MOB1B: variants seen among roughly 807,000 people sequenced by gnomAD.
MOB1B encodes the protein MOB kinase activator 1B.
Under a neutral mutation model 24.4 loss-of-function variants are expected in MOB1B, and 19 were observed. The observed-to-expected ratio is 0.78, with a 90% CI of 0.54 to 1.14. The LOEUF (loss-of-function observed/expected upper bound fraction) is 1.14, where lower values mean the gene tolerates loss of function less well. Among genes scored for constraint, MOB1B ranks in the 50% most tolerant of loss-of-function variants. The probability of loss-of-function intolerance (pLI) is 0.00; values close to 1 mark genes in which losing one functional copy is unlikely to be tolerated. For missense variants in MOB1B, 243 were observed against 259.6 expected (o/e 0.94, Z 0.44); for synonymous variants, 76 against 82.1 (o/e 0.93, Z 0.40).
intron 1 of MOB1B, among the ~76,000 whole-genome samples, chr4:70,940,676 A>AT (rs796738977): frequency 0.067 from 9,428 of 141,624 alleles, 632 homozygotes; most frequent in African/African-American, 0.16. Context: ...TAGGGCATTA[A>AT]TTTTTTTTTT....
intron 1 of MOB1B, among the ~76,000 whole-genome samples, chr4:70,913,077 TA>T (rs1736059478): frequency 6.6e-6 from 1 of 152,036 alleles, no homozygotes; most frequent in African/African-American, 2.4e-5. Flanking sequence ...CAAACTGAAA[TA>T]GTTTGTCAGT....
At position 70,965,976 on chromosome 4, in the gene MOB1B, A is replaced by G. The variant is rs28583073; in HGVS notation, c.182-3955A>G. On this transcript the variant is annotated intron_variant, in intron 2 of 5. Transcript: ENST00000309395. ...AATCTTATAACTTAAAAAAAACTGT[A>G]ATCTATTTAAAAACCTTGCCACAGT... is the stretch of plus-strand genomic sequence containing the variant. Among the ~76,000 whole-genome samples the G allele has an allele frequency of 3.4e-4, 52 of 152,122 alleles. 1 individual carries two copies. Among genetic ancestry groups the G allele is most frequent in the African/African-American group, 1.1e-3 (46 of 41,530 alleles).
chr4:70,915,271 A>T (rs116280909), intron 1 of MOB1B, among the ~76,000 whole-genome samples: 3,286 of 152,310 alleles, frequency 0.022, 54 homozygotes, highest in Non-Finnish European at 0.033. Context: ...TCATCGGTGG[A>T]GGGTGTCCAG....
chr4:70,953,363 A>G (rs928263193), intron 1 of MOB1B, among the ~76,000 whole-genome samples: 4 of 152,190 alleles, frequency 2.6e-5, no homozygotes, highest in African/African-American at 9.7e-5. Flanking sequence ...CAAAGATTTT[A>G]AAAAGAGTAT....
intron 1 of MOB1B, among the ~76,000 whole-genome samples, chr4:70,934,349 G>A (rs1737001295): frequency 6.6e-6 from 1 of 151,830 alleles, no homozygotes; most frequent in Non-Finnish European, 1.5e-5. Flanking sequence ...GCCTCCCAAA[G>A]TGCTGGAATT....
chr4:70,930,233 C>T (rs905277347), intron 1 of MOB1B, among the ~76,000 whole-genome samples: 2 of 151,934 alleles, frequency 1.3e-5, no homozygotes. Context: ...TATTTTACTA[C>T]AGGCAATAAA....
intron 1 of MOB1B, among the ~76,000 whole-genome samples, chr4:70,935,348 G>A (rs1029861089): frequency 2.6e-5 from 4 of 152,092 alleles, no homozygotes; most frequent in African/African-American, 4.8e-5. Flanking sequence ...CATACCATCC[G>A]AAGACACACA....
At chr4:70,946,225 G>T (rs1737576346) in intron 1 of MOB1B, among the ~76,000 whole-genome samples, 1 of 151,498 alleles carries the variant, frequency 6.6e-6, no homozygotes, top group East Asian at 1.9e-4. Flanking sequence ...GAATCCTTTA[G>T]ATTTGTCATA....
At chr4:70,944,270 G>A (rs1737479434) in intron 1 of MOB1B, among the ~76,000 whole-genome samples, 1 of 152,160 alleles carries the variant, frequency 6.6e-6, no homozygotes, top group Non-Finnish European at 1.5e-5. Flanking sequence ...CCTGACCTCA[G>A]GTGATCCTCG....
chr4:70,909,531 A>C (rs990278245), intron 1 of MOB1B, among the ~76,000 whole-genome samples: 14 of 152,088 alleles, frequency 9.2e-5, no homozygotes, highest in African/African-American at 3.4e-4. Context: ...AAAAAATAAC[A>C]ATAATAGTTC....
chr4:70,931,719 G>C (rs988959615), intron 1 of MOB1B, among the ~76,000 whole-genome samples: 11 of 152,262 alleles, frequency 7.2e-5, no homozygotes, highest in African/African-American at 2.6e-4. Flanking sequence ...TATTTTAGTT[G>C]AATTTTATGA....
intron 1 of MOB1B, 29 bp downstream of exon 1, chr4:70,902,579 C>G: frequency 6.5e-7 from 1 of 1,544,980 alleles, no homozygotes; most frequent in South Asian, 1.2e-5. Flanking sequence ...CACGCGCCGG[C>G]TTTGTTCGGG....
At chr4:70,958,688 T>G in intron 1 of MOB1B, 186 bp from the exon 2 acceptor site, 1 of 737,778 alleles carries the variant, frequency 1.4e-6, no homozygotes, top group Non-Finnish European at 2.4e-6. Flanking sequence ...AAAATTTTTC[T>G]TTTTGTGAGT....
rs781033250 is a variant in MOB1B at position 70,958,858 on chromosome 4, T to A, written c.15-16T>A. ...CCTTAAATATTAAACCCTTTTTTTTTCTTTTCTATTCATAGTGGTAGTCGC... is the reference window on the plus strand; with the variant it reads ...CCTTAAATATTAAACCCTTTTTTTTACTTTTCTATTCATAGTGGTAGTCGC... On this transcript the variant is annotated splice_polypyrimidine_tract_variant and intron_variant, in intron 1 of 5. Transcript: ENST00000309395. 1.3e-6 allele frequency: 2 copies of A among 1,590,620 alleles called. No individual in the cohort carries two copies. Among genetic ancestry groups the A allele is most frequent in the African/African-American group, 2.7e-5 (2 of 73,378 alleles).
intron 1 of MOB1B, among the ~76,000 whole-genome samples, chr4:70,958,491 C>A (rs2148893883): frequency 6.6e-6 from 1 of 151,736 alleles, no homozygotes; most frequent in East Asian, 1.9e-4. Context: ...TTTTCTTGTT[C>A]CAGGATTTTT....
At chr4:70,943,524 CAGT>C (rs1737434766) in intron 1 of MOB1B, among the ~76,000 whole-genome samples, 1 of 152,136 alleles carries the variant, frequency 6.6e-6, no homozygotes, top group Admixed American at 6.6e-5. Context: ...TTTCTAAAGA[CAGT>C]AGTTCAAGGT....
intron 1 of MOB1B, among the ~76,000 whole-genome samples, chr4:70,938,703 C>T (rs577569160): frequency 3.3e-4 from 1 of 2,998 alleles, no homozygotes; most frequent in East Asian, 9.4e-3. Context: ...CTAGAGGCGT[C>T]ACTAATTCCT....
intron 1 of MOB1B, among the ~76,000 whole-genome samples, chr4:70,941,649 TCTTC>T (rs1208918410): frequency 3.3e-5 from 5 of 152,326 alleles, no homozygotes; most frequent in African/African-American, 1.2e-4. Flanking sequence ...TCAAGAAATT[TCTTC>T]CTTCTTTCCC....
chr4:70,922,032 T>G (rs1736458926), intron 1 of MOB1B, among the ~76,000 whole-genome samples: 1 of 152,240 alleles, frequency 6.6e-6, no homozygotes, highest in African/African-American at 2.4e-5. Context: ...AGATAACTTC[T>G]GAATTAGACA....
Sources: gnomAD v4.1 joint callset for allele counts (sites outside exome capture counted in the v4.1 genomes callset) on GRCh38, gnomAD v4.1.1 for gene constraint, MANE v1.5 for transcripts, NCBI Gene and HGNC (gene_info 2026-07-23, HGNC 2026-07-21) for gene names.